Variants in CYP11B1 observed in about 807,000 individuals in gnomAD.
CYP11B1 encodes cytochrome P450 family 11 subfamily B member 1.
Under a neutral mutation model 48.3 loss-of-function variants are expected in CYP11B1, and 34 were observed. The observed-to-expected ratio is 0.70, with a 90% CI of 0.54 to 0.94. The LOEUF (loss-of-function observed/expected upper bound fraction) is 0.94, where lower values mean the gene tolerates loss of function less well. CYP11B1 is among the 40% of genes least tolerant of loss of function. The pLI is 0.00. For synonymous variants in CYP11B1, 291 were observed against 262.5 expected, an observed-to-expected ratio of 1.11 and a Z score of -1.05; for missense variants, 688 against 657.4, an observed-to-expected ratio of 1.05 and a Z score of -0.51.
Position 142,873,574 on chromosome 8 carries a change from T to G in CYP11B1, c.*799A>C, listed in dbSNP as rs1816851962. 1 of 152,194 alleles carries G rather than the reference T, an allele frequency of 6.6e-6. No homozygotes were observed. The highest frequency in any genetic ancestry group is 6.5e-5 in the Admixed American group (1 of 15,272). The allele number at this position is 152,194 out of a possible 1,614,324, so 9.4% of individuals were successfully genotyped here. A position where few individuals can be genotyped will look rare whatever the true frequency, so the allele number is the denominator to read the frequency against. ...CTGTCTCTCCTGTTGCCAAAAACAT[T>G]TCTGGAACCACACCCCAGGTTCCCA... On this transcript the variant is annotated 3_prime_UTR_variant, in exon 9 of 9. Coordinates refer to ENST00000292427, the MANE Select transcript of CYP11B1 (RefSeq NM_000497.4).
chr8:142,876,030 A>G (rs1178920210), intron 5 of CYP11B1, 152 bp from the exon 6 acceptor site: 3 of 1,152,152 alleles, frequency 2.6e-6, no homozygotes, highest in Non-Finnish European at 3.8e-6. Flanking sequence ...GCCCATCCAA[A>G]CCCCTTTCCC....
chr8:142,879,305 A>G (rs1269222558), intron 1 of CYP11B1, 118 bp from the exon 2 acceptor site: 1 of 1,606,270 alleles, frequency 6.2e-7, no homozygotes. Flanking sequence ...TAGCGGCTTC[A>G]CAGCTAAAGC....
At chr8:142,877,927 C>G in intron 2 of CYP11B1, 1 of 996,224 alleles carries the variant, frequency 1.0e-6, no homozygotes, top group Non-Finnish European at 1.5e-6. Context: ...CACATGCGCC[C>G]ATGCAAGACC....
chr8:142,877,322 G>T, intron 2 of CYP11B1, 100 bp from the exon 3 acceptor site: 1 of 1,143,652 alleles, frequency 8.7e-7, no homozygotes, highest in Non-Finnish European at 1.3e-6. Flanking sequence ...CGGCCTGCAG[G>T]GAGCTGACTG....
In CYP11B1 at chr8:142,874,459, G is replaced by T. The variant is rs1281753933; in HGVS notation, c.1426C>A (p.Leu476Ile). 6.2e-7 allele frequency: 1 copy of T among 1,613,842 alleles called. No homozygotes were observed. The highest frequency in any genetic ancestry group is 1.3e-5 in the African/African-American group (1 of 74,916). Residue 476 changes from leucine to isoleucine, a missense_variant, in exon 9 of 9, where the codon CTA becomes ATA. Transcript: ENST00000292427. Reference protein sequence around the residue: ...HVLKHLQVETLTQEDIKMVYS... With the variant: ...HVLKHLQVETITQEDIKMVYS... Reference sequence around the variant, plus strand: ...ACCATCTTTATGTCCTCTTGGGTTAGTGTCTCCACCTGGAGGTGTTTCAGC... The same window carrying T: ...ACCATCTTTATGTCCTCTTGGGTTATTGTCTCCACCTGGAGGTGTTTCAGC...
chr8:142,879,627 C>G lies in CYP11B1; in HGVS notation c.187G>C (p.Asp63His), dbSNP rs5282. ...GTCTGGTGTACTTCCAGGTGCAGGT[C>G]CTCATAACCCTGCTCCCTCCAGATC... is the stretch of plus-strand genomic sequence containing the variant. ...LQIWREQGYE[D>H]LHLEVHQTFQ... is the part of the protein sequence containing the mutation. Residue 63 changes from aspartate (D) to histidine (H), a missense_variant, in exon 1 of 9, where the codon GAC becomes CAC. Physicochemically the swap from Asp to His is moderately conservative, Grantham distance 81. Coordinates refer to ENST00000292427, the MANE Select transcript of CYP11B1 (RefSeq NM_000497.4). 30 of 1,614,230 alleles carry G rather than the reference C, an allele frequency of 1.9e-5. No homozygotes were observed. The highest frequency in any genetic ancestry group is 3.3e-5 in the South Asian group (3 of 91,090).
chr8:142,877,988 C>T (rs1404755911), intron 2 of CYP11B1, among the ~76,000 whole-genome samples: 2 of 152,138 alleles, frequency 1.3e-5, no homozygotes, highest in Non-Finnish European at 1.5e-5. Flanking sequence ...AGACACTACA[C>T]CCATGCCGGC....
chr8:142,875,614 C>T (rs1298930312), intron 6 of CYP11B1, 98 bp downstream of exon 6: 4 of 1,375,812 alleles, frequency 2.9e-6, no homozygotes, highest in Non-Finnish European at 4.1e-6. Flanking sequence ...TGCTGGGTGA[C>T]GCTGTTTATC....
At chr8:142,875,643 C>T in intron 6 of CYP11B1, 69 bp downstream of exon 6, 2 of 1,571,836 alleles carry the variant, frequency 1.3e-6, no homozygotes, top group Non-Finnish European at 1.7e-6. Context: ...ATTCTGTCTG[C>T]CACCACCCAG....
Position 142,874,443 on chromosome 8 carries a change from A to C in CYP11B1, c.1442T>G (p.Ile481Arg). Residue 481 changes from isoleucine (I) to arginine (R), a missense_variant, in exon 9 of 9, where the codon ATA becomes AGA. Physicochemically the swap from Ile to Arg is moderately conservative, Grantham distance 97. Transcript: ENST00000292427. ...CAATATGAAGCTGTAGACCATCTTT[A>C]TGTCCTCTTGGGTTAGTGTCTCCAC... The part of the protein sequence containing the change: ...LQVETLTQED[I>R]KMVYSFILRP... 6.2e-7 allele frequency: 1 copy of C among 1,614,042 alleles called. No individual in the cohort carries two copies. The highest frequency in any genetic ancestry group is 8.5e-7 in the Non-Finnish European group (1 of 1,179,962).
At chr8:142,876,529 C>T (rs1816956727) in intron 4 of CYP11B1, 134 bp from the exon 5 acceptor site, 4 of 1,545,738 alleles carry the variant, frequency 2.6e-6, no homozygotes, top group African/African-American at 1.4e-5. Context: ...CAGCCCAGCC[C>T]AGCCCCAGCC....
intron 5 of CYP11B1, 180 bp downstream of exon 5, chr8:142,876,061 A>C (rs1816936414): frequency 2.7e-6 from 3 of 1,122,842 alleles, no homozygotes; most frequent in Non-Finnish European, 3.9e-6. Context: ...ACAGAAAGGA[A>C]CCCCCCATTC....
Position 142,874,947 on chromosome 8 carries a change from G to C in CYP11B1, c.1398+10C>G. 2.5e-6 allele frequency: 4 copies of C among 1,612,480 alleles called. No homozygotes were observed. The highest frequency in any genetic ancestry group is 3.4e-6 in the Non-Finnish European group (4 of 1,179,938). On this transcript the variant is annotated intron_variant, in intron 8 of 8. Transcript: ENST00000292427. ...CCGCCCAGGCCCCTCCCCAGCCCGG[G>C]CCTGCTCACATGGTGCAGCAGCAGC...
chr8:142,877,868 G>A (rs779083128), intron 2 of CYP11B1: 1 of 1,553,750 alleles, frequency 6.4e-7, no homozygotes, highest in Non-Finnish European at 8.7e-7. Context: ...ATGTCCAGCT[G>A]GCTGTTGTGA....
intron 7 of CYP11B1, 24 bp downstream of exon 7, chr8:142,875,210 T>C: frequency 3.1e-6 from 5 of 1,614,060 alleles, no homozygotes; most frequent in Non-Finnish European, 4.2e-6. Context: ...GGTTCTCAGC[T>C]CGAGGGGTGT....
chr8:142,878,540 C>T (rs1817036992), intron 2 of CYP11B1, among the ~76,000 whole-genome samples: 1 of 152,232 alleles, frequency 6.6e-6, no homozygotes, highest in Non-Finnish European at 1.5e-5. Flanking sequence ...CAGCCACCTG[C>T]ATCCCCACCT....
intron 5 of CYP11B1, 23 bp from the exon 6 acceptor site, chr8:142,875,901 G>C (rs1316714451): frequency 6.2e-7 from 1 of 1,613,948 alleles, no homozygotes; most frequent in Non-Finnish European, 8.5e-7. Context: ...CAGCTGCAGG[G>C]TCAGACCTTG....
chr8:142,876,232 C>T lies in CYP11B1; in HGVS notation c.954+9G>A, dbSNP rs6411. 43 of 1,613,708 alleles carry T rather than the reference C, an allele frequency of 2.7e-5. No homozygotes were observed. Among genetic ancestry groups the T allele is most frequent in the South Asian group, 1.1e-4 (10 of 91,070 alleles). ...ACCCTCTCTGGGTGGGGCTGGTTGC[C>T]GGCCTGACCGTGTCCACGCTCCCTG... On this transcript the variant is annotated intron_variant, in intron 5 of 8. Coordinates refer to ENST00000292427, the MANE Select transcript of CYP11B1 (RefSeq NM_000497.4).
chr8:142,874,624 C>T, intron 8 of CYP11B1, 138 bp from the exon 9 acceptor site: 2 of 739,960 alleles, frequency 2.7e-6, no homozygotes, highest in Middle Eastern at 2.9e-4. Flanking sequence ...TCATTCCTGA[C>T]CAGCCCCACC....
Sources: allele counts gnomAD v4.1 joint callset (sites outside exome capture counted in the v4.1 genomes callset), GRCh38; gene constraint gnomAD v4.1.1; transcripts MANE v1.5; gene names NCBI Gene and HGNC (gene_info 2026-07-23, HGNC 2026-07-21).